GALNT17: variants seen among roughly 807,000 people sequenced by gnomAD.
GALNT17 encodes UDP-GalNAc:polypeptide N-acetylgalactosaminyltransferase-like 3.
In GALNT17, 29 loss-of-function variants were observed where a neutral mutation model predicts 63.7. The observed-to-expected ratio is 0.46, with a 90% CI of 0.34 to 0.62. The LOEUF is 0.62. Among genes scored for constraint, GALNT17 ranks in the 20% least tolerant of loss-of-function variants. The pLI, the probability that GALNT17 is intolerant of heterozygous loss-of-function variation, is 0.01. For synonymous variants in GALNT17, 305 were observed against 318.3 expected, an observed-to-expected ratio of 0.96 and a Z score of 0.45; for missense variants, 603 against 799.6, an observed-to-expected ratio of 0.75 and a Z score of 2.97.
At chr7:71,688,488 A>T (rs182724453) in intron 9 of GALNT17, among the ~76,000 whole-genome samples, 3 of 152,086 alleles carry the variant, frequency 2.0e-5, no homozygotes, top group African/African-American at 7.2e-5. Flanking sequence ...TTTCTCTGCC[A>T]TCTGCTTTGC....
intron 8 of GALNT17, among the ~76,000 whole-genome samples, chr7:71,675,516 G>A (rs1428919846): frequency 6.6e-6 from 1 of 152,024 alleles, no homozygotes; most frequent in Non-Finnish European, 1.5e-5. Flanking sequence ...CCAGCAGTTT[G>A]GGAGGCTGAG....
intron 1 of GALNT17, among the ~76,000 whole-genome samples, chr7:71,292,782 A>G (rs921874379): frequency 2.0e-5 from 3 of 151,186 alleles, no homozygotes; most frequent in African/African-American, 7.3e-5. Flanking sequence ...CTTTGTCATC[A>G]TGCTGTACAT....
At chr7:71,463,710 T>A (rs1787489404) in intron 5 of GALNT17, among the ~76,000 whole-genome samples, 2 of 152,218 alleles carry the variant, frequency 1.3e-5, no homozygotes, top group Non-Finnish European at 2.9e-5. Flanking sequence ...CTCCCCTTTT[T>A]AGACCACATA....
At chr7:71,263,193 A>G (rs943587454) in intron 1 of GALNT17, among the ~76,000 whole-genome samples, 1 of 151,788 alleles carries the variant, frequency 6.6e-6, no homozygotes, top group Non-Finnish European at 1.5e-5. Flanking sequence ...CCCTGTCTCT[A>G]CTAAAAATAT....
At chr7:71,706,661 G>T (rs1274934696) in intron 9 of GALNT17, among the ~76,000 whole-genome samples, 2 of 152,084 alleles carry the variant, frequency 1.3e-5, no homozygotes, top group Non-Finnish European at 2.9e-5. Flanking sequence ...CTTTGATTTG[G>T]AACTAATTGG....
intron 6 of GALNT17, among the ~76,000 whole-genome samples, chr7:71,584,595 A>G (rs1789687594): frequency 1.3e-5 from 2 of 152,172 alleles, no homozygotes; most frequent in African/African-American, 2.4e-5. Flanking sequence ...TACCCAGTCC[A>G]TGTTTTCTCA....
rs112019254 is a variant in GALNT17, at chr7:71,588,577, T to A, written c.1080+17175T>A. 9.8e-3 allele frequency among the ~76,000 whole-genome samples: 1,488 copies of A among 152,304 alleles called. 20 individuals are homozygous for A. The highest frequency in any genetic ancestry group is 0.033 in the African/African-American group (1,391 of 41,566). ...TTAACTAAACTCAGTTGACCTAAAATTTTAGCATTCTTTAGGTATTGCTGT... is the reference window on the plus strand; with the variant it reads ...TTAACTAAACTCAGTTGACCTAAAAATTTAGCATTCTTTAGGTATTGCTGT... On this transcript the variant is annotated intron_variant, in intron 6 of 10. Transcript: ENST00000333538.
intron 1 of GALNT17, among the ~76,000 whole-genome samples, chr7:71,244,034 T>C (rs995951091): frequency 6.6e-6 from 1 of 152,156 alleles, no homozygotes; most frequent in Non-Finnish European, 1.5e-5. Context: ...GGTGCAGGGT[T>C]AGAGGTGGCG....
intron 2 of GALNT17, among the ~76,000 whole-genome samples, chr7:71,362,839 G>C (rs1289759248): frequency 1.3e-5 from 2 of 152,212 alleles, no homozygotes; most frequent in African/African-American, 4.8e-5. Context: ...GGTCTTGACT[G>C]AAAGACCGTA....
intron 5 of GALNT17, among the ~76,000 whole-genome samples, chr7:71,456,201 G>A (rs1787352795): frequency 6.6e-6 from 1 of 151,804 alleles, no homozygotes; most frequent in Admixed American, 6.6e-5. Flanking sequence ...AGGCGAGATC[G>A]CACCACTGCA....
At position 71,366,348 on chromosome 7, in the gene GALNT17, C is replaced by T. The variant is rs186081284; in HGVS notation, c.423-21887C>T. ...CACCTGTACCAGCACTTTGGGAGGC[C>T]GAGGCGAGTGGATCACGAAGTCAAG... On this transcript the variant is annotated intron_variant, in intron 2 of 10. Transcript: ENST00000333538. Among the ~76,000 whole-genome samples, 562 of 152,082 alleles carry T rather than the reference C, an allele frequency of 3.7e-3. 4 individuals are homozygous for T. Among genetic ancestry groups the T allele is most frequent in the African/African-American group, 0.013 (529 of 41,480 alleles).
intron 9 of GALNT17, among the ~76,000 whole-genome samples, chr7:71,708,973 TGGGTTG>T: frequency 6.6e-6 from 1 of 152,366 alleles, no homozygotes; most frequent in East Asian, 1.9e-4. Context: ...TATGGGCACG[TGGGTTG>T]ATTGCATACC....
intron 6 of GALNT17, among the ~76,000 whole-genome samples, chr7:71,616,658 T>C (rs542495686): frequency 4.2e-4 from 59 of 142,006 alleles, no homozygotes; most frequent in Non-Finnish European, 6.0e-5. Context: ...TGTATAATTA[T>C]AATCATAACA....
intron 6 of GALNT17, among the ~76,000 whole-genome samples, chr7:71,660,482 C>A (rs532840586): frequency 3.6e-4 from 55 of 152,358 alleles, no homozygotes; most frequent in African/African-American, 1.3e-3. Flanking sequence ...TTCATTTCTT[C>A]AGCCTGCCTA....
At chr7:71,171,581 T>C (rs1011638810) in intron 1 of GALNT17, among the ~76,000 whole-genome samples, 9 of 152,242 alleles carry the variant, frequency 5.9e-5, no homozygotes, top group African/African-American at 2.2e-4. Flanking sequence ...TAATGGAATT[T>C]GTTGTGTAGT....
chr7:71,705,278 G>T (rs1360193289), intron 9 of GALNT17, among the ~76,000 whole-genome samples: 2 of 151,966 alleles, frequency 1.3e-5, no homozygotes, highest in African/African-American at 4.8e-5. Flanking sequence ...AACATCTTTA[G>T]TCATTAGAGA....
At chr7:71,521,690 T>C (rs570377944) in intron 5 of GALNT17, among the ~76,000 whole-genome samples, 3 of 152,302 alleles carry the variant, frequency 2.0e-5, no homozygotes, top group African/African-American at 7.2e-5. Flanking sequence ...GATTTCACCA[T>C]GCTGGGTTGC....
intron 1 of GALNT17, among the ~76,000 whole-genome samples, chr7:71,310,762 G>T (rs555422662): frequency 6.6e-6 from 1 of 152,298 alleles, no homozygotes; most frequent in Non-Finnish European, 1.5e-5. Flanking sequence ...CCCTACCAGA[G>T]TCACCCAGGT....
chr7:71,154,965 G>A (rs17142542), intron 1 of GALNT17, among the ~76,000 whole-genome samples: 50,951 of 151,590 alleles, frequency 0.34, 9,248 homozygotes, highest in Middle Eastern at 0.38. Context: ...GAATTTTTTC[G>A]GGAAAGTCTT....
Sources: allele counts gnomAD v4.1 joint callset (sites outside exome capture counted in the v4.1 genomes callset), GRCh38; gene constraint gnomAD v4.1.1; transcripts MANE v1.5; gene names NCBI Gene and HGNC (gene_info 2026-07-23, HGNC 2026-07-21).